The following XYLB variants were observed in gnomAD, a reference collection of about 807,000 sequenced individuals.
The protein encoded by XYLB is xylulokinase.
In XYLB, 62 loss-of-function variants were observed where a neutral mutation model predicts 78.7. The ratio of observed to expected loss-of-function variants is 0.79; its 90% CI spans 0.64 to 0.97. The LOEUF is 0.97. Among genes scored for constraint, XYLB ranks in the 50% least tolerant of loss-of-function variants. The probability of loss-of-function intolerance (pLI) is 0.00; values close to 1 mark genes in which losing one functional copy is unlikely to be tolerated. For missense variants in XYLB, 687 were observed against 676.8 expected, an observed-to-expected ratio of 1.02 and a Z score of -0.17; for synonymous variants, 245 against 247.4, an observed-to-expected ratio of 0.99 and a Z score of 0.09.
Position 38,379,248 on chromosome 3 carries a change from T to C in XYLB, c.1197T>C (p.Val399=). The C allele has an allele frequency of 6.2e-7, 1 of 1,614,068 alleles. No homozygotes were observed. Among genetic ancestry groups the C allele is most frequent in the South Asian group, 1.1e-5 (1 of 91,078 alleles). ...RHRFNTENHK[V]AAFPGDVEVR... ...TGCCCACCTTTTCCTGGAGACAGGT[T>C]GCAGCATTCCCTGGGGATGTGGAGG... The change falls in exon 15 of 19, where the codon GTT becomes GTC. Residue 399 remains valine (V), a splice_region_variant and synonymous_variant. Coordinates refer to ENST00000207870, the MANE Select transcript of XYLB (RefSeq NM_005108.4).
At chr3:38,365,112 G>A in intron 4 of XYLB, 87 bp from the exon 5 acceptor site, 1 of 1,220,108 alleles carries the variant, frequency 8.2e-7, no homozygotes, top group East Asian at 2.3e-5. Flanking sequence ...CAGTTCTTTG[G>A]CATGTGGTCT....
At chr3:38,430,024 G>A in the XYLB span, among the ~76,000 whole-genome samples, 37 of 152,046 alleles carry the variant, frequency 2.4e-4, no homozygotes, top group African/African-American at 3.9e-4. Context: ...ATATGTGTTC[G>A]TGTGTCTTTA....
Position 38,366,836 on chromosome 3 carries a change from T to C in XYLB, c.536T>C (p.Ile179Thr). Residue 179 changes from isoleucine to threonine, a missense_variant, in exon 7 of 19, where the codon ATT (isoleucine) becomes ACT (threonine). By Grantham distance (89) the Ile-to-Thr change is moderately conservative. Transcript: ENST00000207870. The stretch of plus-strand genomic sequence containing the variant: ...TTTACAGGGAACCAAATTGCAAAAA[T>C]TTACCAGCAGAACCCCGAGGCCTAC... ...ERFTGNQIAK[I>T]YQQNPEAYSH... is the part of the protein sequence containing the mutation. The C allele has an allele frequency of 6.2e-7, 1 of 1,613,586 alleles. No homozygotes were observed. Among genetic ancestry groups the C allele is most frequent in the Non-Finnish European group, 8.5e-7 (1 of 1,179,558 alleles).
intron 4 of XYLB, among the ~76,000 whole-genome samples, chr3:38,364,285 C>G (rs556209927): frequency 0.022 from 3,308 of 151,950 alleles, 51 homozygotes; most frequent in Middle Eastern, 0.054. Flanking sequence ...ACTCTTGACT[C>G]TACCATCTCT....
chr3:38,403,784 C>T (rs567694829), intron 18 of XYLB, among the ~76,000 whole-genome samples: 17 of 152,062 alleles, frequency 1.1e-4, no homozygotes, highest in Non-Finnish European at 1.8e-4. Flanking sequence ...ATCTAGAGTA[C>T]GGAGTGGCCA....
At chr3:38,380,582 G>T (rs1296600899) in intron 15 of XYLB, among the ~76,000 whole-genome samples, 2 of 152,066 alleles carry the variant, frequency 1.3e-5, no homozygotes, top group Admixed American at 1.3e-4. Flanking sequence ...TGAGTAAAAG[G>T]ATACTATAAA....
At chr3:38,428,345 G>A in the XYLB span, among the ~76,000 whole-genome samples, 4 of 152,226 alleles carry the variant, frequency 2.6e-5, no homozygotes, top group East Asian at 7.7e-4. Context: ...TTAGATTGAT[G>A]GTGTTGTTCA....
downstream of XYLB, among the ~76,000 whole-genome samples, chr3:38,416,523 A>G (rs996280938): frequency 9.9e-5 from 15 of 152,214 alleles, no homozygotes; most frequent in Non-Finnish European, 1.5e-5. Context: ...GGACTTACCT[A>G]TTAAAAGGAA....
chr3:38,416,566 G>T (rs967749765), downstream of XYLB, among the ~76,000 whole-genome samples: 2 of 152,092 alleles, frequency 1.3e-5, no homozygotes, highest in African/African-American at 2.4e-5. Flanking sequence ...ATGTCTTATT[G>T]TCTGTTATTT....
intron 15 of XYLB, among the ~76,000 whole-genome samples, chr3:38,387,265 C>T (rs1330004540): frequency 6.6e-6 from 1 of 151,594 alleles, no homozygotes; most frequent in East Asian, 1.9e-4. Context: ...CTCTGGACTT[C>T]AGTTACACAT....
At chr3:38,395,721 T>A (rs1163407233) in intron 16 of XYLB, among the ~76,000 whole-genome samples, 158 bp downstream of exon 16, 5 of 152,206 alleles carry the variant, frequency 3.3e-5, no homozygotes, top group Non-Finnish European at 7.3e-5. Flanking sequence ...GCCTTACAGC[T>A]CACACTGTGA....
the XYLB span, among the ~76,000 whole-genome samples, chr3:38,450,468 G>C: frequency 6.6e-6 from 1 of 152,092 alleles, no homozygotes; most frequent in Non-Finnish European, 1.5e-5. Context: ...TTGAAGGGTG[G>C]GGAAGCCAGG....
the XYLB span, among the ~76,000 whole-genome samples, chr3:38,429,296 T>C: frequency 6.6e-6 from 1 of 152,124 alleles, no homozygotes; most frequent in African/African-American, 2.4e-5. Context: ...TTAATAAACA[T>C]CCTTCACACT....
At chr3:38,395,436 T>G (rs1378605150) in intron 15 of XYLB, 69 bp from the exon 16 acceptor site, 1 of 1,471,310 alleles carries the variant, frequency 6.8e-7, no homozygotes, top group Non-Finnish European at 9.5e-7. Flanking sequence ...TGAAGAACTC[T>G]GCAAAAACAG....
intron 17 of XYLB, 43 bp downstream of exon 17, chr3:38,397,202 G>T: frequency 1.3e-6 from 2 of 1,591,760 alleles, no homozygotes; most frequent in Non-Finnish European, 1.7e-6. Context: ...AAGTGGCCAG[G>T]ACATGGGGTG....
intron 6 of XYLB, among the ~76,000 whole-genome samples, chr3:38,366,110 TA>T (rs60182601): frequency 0.016 from 2,277 of 138,574 alleles, 17 homozygotes; most frequent in African/African-American, 0.024. Context: ...CTGGCAATGT[TA>T]AAAAAAAAAA....
At chr3:38,425,316 G>A (rs1350959942), downstream of XYLB, among the ~76,000 whole-genome samples, 1 of 152,138 alleles carries the variant, frequency 6.6e-6, no homozygotes, top group African/African-American at 2.4e-5. Flanking sequence ...CCAAGCTCTA[G>A]CTATATTTTT....
chr3:38,355,947 C>T (rs895661435), intron 2 of XYLB: 6 of 601,446 alleles, frequency 1.0e-5, no homozygotes, highest in African/African-American at 7.4e-5. Flanking sequence ...CCCTCATATC[C>T]TTTTTTTAAA....
chr3:38,421,769 C>G (rs1708986087), downstream of XYLB, among the ~76,000 whole-genome samples: 1 of 152,174 alleles, frequency 6.6e-6, no homozygotes, highest in Non-Finnish European at 1.5e-5. Context: ...CCAGCTAAAG[C>G]AGCAGAGTAG....
Sources: gnomAD v4.1 joint callset for allele counts (sites outside exome capture counted in the v4.1 genomes callset) on GRCh38, gnomAD v4.1.1 for gene constraint, MANE v1.5 for transcripts, NCBI Gene and HGNC (gene_info 2026-07-23, HGNC 2026-07-21) for gene names.